The following PTPRO variants were observed in gnomAD, a reference collection of about 807,000 sequenced individuals.
PTPRO encodes receptor-type tyrosine-protein phosphatase O.
A neutral mutation model predicts 145.2 loss-of-function variants in PTPRO; 62 were observed. The ratio of observed to expected loss-of-function variants is 0.43; its 90% CI spans 0.35 to 0.53. PTPRO has a LOEUF of 0.53. Ranked by LOEUF, PTPRO falls within the 20% of genes least tolerant of loss-of-function variation. The probability of loss-of-function intolerance (pLI) is 0.01; values close to 1 mark genes in which losing one functional copy is unlikely to be tolerated. For synonymous variants in PTPRO, 565 were observed against 514.7 expected (o/e 1.10, Z -1.32); for missense variants, 1,345 against 1,482.7 (o/e 0.91, Z 1.53).
chr12:15,578,381 A>G (rs1173923312), intron 19 of PTPRO, among the ~76,000 whole-genome samples: 1 of 152,236 alleles, frequency 6.6e-6, no homozygotes, highest in Middle Eastern at 3.2e-3. Context: ...AATGACCACT[A>G]AGTTATCCAA....
At chr12:15,426,206 A>C (rs1359022275) in intron 1 of PTPRO, among the ~76,000 whole-genome samples, 1 of 151,754 alleles carries the variant, frequency 6.6e-6, no homozygotes, top group Admixed American at 6.6e-5. Context: ...ATTCCATTAA[A>C]ATTTTTAATT....
chr12:15,526,063 TA>T, intron 11 of PTPRO, 78 bp from the exon 12 acceptor site: 2 of 1,541,048 alleles, frequency 1.3e-6, no homozygotes, highest in Non-Finnish European at 1.8e-6. Context: ...ATGTGTCTGC[TA>T]TAGTCCTTTA....
intron 3 of PTPRO, among the ~76,000 whole-genome samples, 163 bp downstream of exon 3, chr12:15,497,566 G>T (rs1488420524): frequency 6.6e-6 from 1 of 152,192 alleles, no homozygotes; most frequent in Non-Finnish European, 1.5e-5. Context: ...CGTGTTATGA[G>T]GAAGCCTAGA....
Position 15,560,184 on chromosome 12 carries a change from T to C in PTPRO, c.2628-9T>C, listed in dbSNP as rs1372624915. 3.8e-6 allele frequency: 6 copies of C among 1,565,220 alleles called. No individual in the cohort carries two copies. Among genetic ancestry groups the C allele is most frequent in the Non-Finnish European group, 5.3e-6 (6 of 1,135,994 alleles). On this transcript the variant is annotated splice_polypyrimidine_tract_variant and intron_variant, in intron 16 of 26. Transcript: ENST00000281171. ...CATCTTTCCATCTGTTGTCTATTAA[T>C]GCACACAGGCGTAGGAGTATATTTG... is the stretch of plus-strand genomic sequence containing the variant.
chr12:15,480,472 C>G (rs1304134900), intron 1 of PTPRO, among the ~76,000 whole-genome samples: 2 of 152,110 alleles, frequency 1.3e-5, no homozygotes, highest in African/African-American at 4.8e-5. Flanking sequence ...AACCTTAGGA[C>G]AATTCTTTTA....
At chr12:15,539,977 C>A (rs1302217595) in intron 12 of PTPRO, among the ~76,000 whole-genome samples, 2 of 149,654 alleles carry the variant, frequency 1.3e-5, no homozygotes, top group African/African-American at 4.9e-5. Context: ...TTAAATGTAT[C>A]TAGGAAAAGA....
chr12:15,374,111 T>C (rs1354189180), intron 1 of PTPRO, among the ~76,000 whole-genome samples: 1 of 152,198 alleles, frequency 6.6e-6, no homozygotes, highest in East Asian at 1.9e-4. Flanking sequence ...AAACATAACA[T>C]ATTTATTACC....
In PTPRO at chr12:15,415,407, T is replaced by A. The variant is rs968776847; in HGVS notation, c.76-68567T>A. On this transcript the variant is annotated intron_variant, in intron 1 of 26. Transcript: ENST00000281171. The stretch of plus-strand genomic sequence containing the variant: ...ATGAATTTTTTTTTTTTTTTTGAGA[T>A]GGAGTCTCGCTCTGTCGCCCAGGCT... 2.7e-5 allele frequency among the ~76,000 whole-genome samples: 4 copies of A among 148,838 alleles called. No homozygotes were observed. In the East Asian group the frequency reaches 7.9e-4, roughly 29 times the overall value.
rs532800381 is a variant in PTPRO, at chr12:15,580,203, A to T, written c.2997+88A>T. The T allele has an allele frequency of 1.2e-5, 13 of 1,043,100 alleles. No individual in the cohort carries two copies. In the African/African-American group the frequency reaches 1.9e-4, roughly 15 times the overall value. 64.6% of individuals were successfully genotyped at this position (1,043,100 alleles called of 1,614,324 possible). The stretch of plus-strand genomic sequence containing the variant: ...TATATGGATGTGTCAAACAGTTCAA[A>T]AGAGAGCCTTTCCCAACCCAGCAAT... On this transcript the variant is annotated intron_variant, in intron 21 of 26. Coordinates refer to ENST00000281171, the MANE Select transcript of PTPRO (RefSeq NM_030667.3).
chr12:15,342,011 G>C (rs139318294), intron 1 of PTPRO, among the ~76,000 whole-genome samples: 160 of 152,278 alleles, frequency 1.1e-3, no homozygotes, highest in African/African-American at 3.1e-3. Flanking sequence ...AAAAATGTCT[G>C]CATCACCTGT....
intron 1 of PTPRO, among the ~76,000 whole-genome samples, chr12:15,371,971 A>G (rs1938544381): frequency 6.6e-6 from 1 of 152,184 alleles, no homozygotes; most frequent in Non-Finnish European, 1.5e-5. Flanking sequence ...CTGTGAGTCA[A>G]CTAAACCTCT....
At chr12:15,503,886 C>T (rs1204265613) in intron 5 of PTPRO, 22 bp from the exon 6 acceptor site, 3 of 1,542,326 alleles carry the variant, frequency 1.9e-6, no homozygotes, top group Non-Finnish European at 2.7e-6. Flanking sequence ...CATGTATCTT[C>T]TCTTTTTTAT....
chr12:15,365,939 T>A (rs1454069907), intron 1 of PTPRO, among the ~76,000 whole-genome samples: 1 of 152,206 alleles, frequency 6.6e-6, no homozygotes, highest in Non-Finnish European at 1.5e-5. Context: ...CAATCATTGC[T>A]AGCAAACATA....
Position 15,501,869 on chromosome 12 carries a change from C to G in PTPRO, c.911C>G (p.Ser304Cys), listed in dbSNP as rs747484031. ...TSQPYWWDSASAAPESEDEFV... is the reference protein window; with the variant it reads ...TSQPYWWDSACAAPESEDEFV... ...CAGCCATATTGGTGGGACAGTGCAT[C>G]TGCAGCTCCTGAAAGTGAAGATGAA... The change falls in exon 5 of 27, where the codon TCT (serine) becomes TGT (cysteine). Residue 304 changes from serine to cysteine, a missense_variant. By Grantham distance (112) the Ser-to-Cys change is moderately radical (BLOSUM62 -1). Transcript: ENST00000281171. 6.2e-7 allele frequency: 1 copy of G among 1,614,000 alleles called. No homozygotes were observed. The highest frequency in any genetic ancestry group is 8.5e-7 in the Non-Finnish European group (1 of 1,180,018).
intron 1 of PTPRO, among the ~76,000 whole-genome samples, chr12:15,365,832 G>T (rs548241570): frequency 6.6e-6 from 1 of 152,230 alleles, no homozygotes; most frequent in South Asian, 2.1e-4. Context: ...GCACTAAAGG[G>T]CTATGAAGGG....
chr12:15,526,500 A>G (rs1031140018), intron 12 of PTPRO, among the ~76,000 whole-genome samples: 2 of 152,198 alleles, frequency 1.3e-5, no homozygotes, highest in Non-Finnish European at 2.9e-5. Flanking sequence ...AGGTTAAAGA[A>G]ACCAGGTAGT....
At chr12:15,502,451 T>C (rs1316190235) in intron 5 of PTPRO, among the ~76,000 whole-genome samples, 1 of 152,216 alleles carries the variant, frequency 6.6e-6, no homozygotes, top group Non-Finnish European at 1.5e-5. Context: ...ATGCAAATTT[T>C]TAAACATGGC....
intron 1 of PTPRO, among the ~76,000 whole-genome samples, chr12:15,349,438 A>G (rs376260014): frequency 6.6e-6 from 1 of 152,218 alleles, no homozygotes; most frequent in East Asian, 1.9e-4. Flanking sequence ...CAAATGGGGA[A>G]TGGAAGAGGG....
At chr12:15,393,087 A>C (rs960038557) in intron 1 of PTPRO, among the ~76,000 whole-genome samples, 2 of 152,196 alleles carry the variant, frequency 1.3e-5, no homozygotes, top group African/African-American at 4.8e-5. Context: ...CCCAAAACTC[A>C]GATCATGTTT....
Sources: allele counts gnomAD v4.1 joint callset (sites outside exome capture counted in the v4.1 genomes callset), GRCh38; gene constraint gnomAD v4.1.1; transcripts MANE v1.5; gene names NCBI Gene and HGNC (gene_info 2026-07-23, HGNC 2026-07-21).